Variants in KIAA1549L observed in about 807,000 individuals in gnomAD.
KIAA1549L encodes KIAA1549 like.
KIAA1549L carries 88 observed loss-of-function variants against 160.7 expected under a neutral mutation model. The ratio of observed to expected loss-of-function variants is 0.55; its 90% CI spans 0.46 to 0.65. KIAA1549L has a LOEUF of 0.65. Among genes scored for constraint, KIAA1549L ranks in the 30% least tolerant of loss-of-function variants. KIAA1549L has a pLI of 0.00. For synonymous variants in KIAA1549L, 950 were observed against 976.7 expected, an observed-to-expected ratio of 0.97 and a Z score of 0.51; for missense variants, 2,258 against 2,437.5, an observed-to-expected ratio of 0.93 and a Z score of 1.55.
At chr11:33,397,630 T>G (rs1254322550) in intron 1 of KIAA1549L, among the ~76,000 whole-genome samples, 1 of 151,356 alleles carries the variant, frequency 6.6e-6, no homozygotes, top group African/African-American at 2.4e-5. Flanking sequence ...GAGAATCTCT[T>G]GAACTTGGGA....
chr11:33,435,796 ATATATATATATATATG>A (rs1851353060), intron 1 of KIAA1549L, among the ~76,000 whole-genome samples: 1 of 34,670 alleles, frequency 2.9e-5, no homozygotes, highest in Non-Finnish European at 4.8e-5. Context: ...ATATATATAT[ATATATATATATATATG>A]TGTGTGTATA....
intron 12 of KIAA1549L, among the ~76,000 whole-genome samples, chr11:33,594,520 C>T (rs927386435): frequency 6.6e-6 from 1 of 152,198 alleles, no homozygotes; most frequent in Non-Finnish European, 1.5e-5. Flanking sequence ...TATGGTTTCT[C>T]ATCCTCTAGC....
rs1288367172 is a variant in KIAA1549L at position 33,672,050 on chromosome 11, A to G, written c.*3896A>G. 1 of 152,236 alleles carries G rather than the reference A, an allele frequency of 6.6e-6. No individual in the cohort carries two copies. The highest frequency in any genetic ancestry group is 2.4e-5 in the African/African-American group (1 of 41,470). 9.4% of individuals were successfully genotyped at this position (152,236 alleles called of 1,614,324 possible). ...GGACTAGAAACCCTTTCACACTTGA[A>G]GTGCAGGTGTTGGCTGAAAGAATAG... On this transcript the variant is annotated 3_prime_UTR_variant, in exon 21 of 21. Coordinates refer to ENST00000658780, the MANE Select transcript of KIAA1549L (RefSeq NM_012194.3).
intron 1 of KIAA1549L, among the ~76,000 whole-genome samples, chr11:33,490,915 T>G (rs1489161420): frequency 6.6e-6 from 1 of 152,224 alleles, no homozygotes; most frequent in Non-Finnish European, 1.5e-5. Flanking sequence ...TGCTGGTCCA[T>G]CAGCCACACT....
intron 1 of KIAA1549L, among the ~76,000 whole-genome samples, chr11:33,533,693 A>G (rs1853828647): frequency 6.6e-6 from 1 of 152,210 alleles, no homozygotes; most frequent in Non-Finnish European, 1.5e-5. Context: ...GTGAAAATGT[A>G]TGTGTATAAA....
At chr11:33,661,491 A>G (rs1445862798) in intron 20 of KIAA1549L, among the ~76,000 whole-genome samples, 2 of 152,172 alleles carry the variant, frequency 1.3e-5, no homozygotes, top group Non-Finnish European at 2.9e-5. Context: ...TCAAACCCAC[A>G]CCTGTTTGGC....
At chr11:33,555,764 G>A (rs1276849738) in intron 6 of KIAA1549L, among the ~76,000 whole-genome samples, 1 of 152,138 alleles carries the variant, frequency 6.6e-6, no homozygotes, top group African/African-American at 2.4e-5. Flanking sequence ...GCAATGATTT[G>A]TTGGACATGA....
intron 1 of KIAA1549L, among the ~76,000 whole-genome samples, chr11:33,505,270 G>A (rs1853054389): frequency 6.6e-6 from 1 of 152,202 alleles, no homozygotes; most frequent in South Asian, 2.1e-4. Context: ...ATCTTAACAT[G>A]TGAGTGTTCC....
intron 14 of KIAA1549L, among the ~76,000 whole-genome samples, chr11:33,607,189 A>G (rs1164424577): frequency 6.6e-6 from 1 of 152,066 alleles, no homozygotes; most frequent in Admixed American, 6.5e-5. Flanking sequence ...TGTAGTGGGG[A>G]TGGAAGGGGC....
intron 7 of KIAA1549L, 47 bp downstream of exon 7, chr11:33,559,958 C>CT: frequency 6.4e-7 from 1 of 1,572,020 alleles, no homozygotes; most frequent in Non-Finnish European, 8.7e-7. Context: ...CCCCTGTGGC[C>CT]TTTCTCCATT....
At chr11:33,397,191 G>A (rs905794796) in intron 1 of KIAA1549L, among the ~76,000 whole-genome samples, 11 of 144,294 alleles carry the variant, frequency 7.6e-5, no homozygotes, top group Non-Finnish European at 1.5e-4. Context: ...AAAATTAGCC[G>A]GACGTGGTGG....
At chr11:33,446,700 A>G (rs1387343701) in intron 1 of KIAA1549L, among the ~76,000 whole-genome samples, 3 of 152,068 alleles carry the variant, frequency 2.0e-5, no homozygotes, top group African/African-American at 7.2e-5. Context: ...TTTAGAGGAT[A>G]CATGTCTAAG....
rs981188430 is a variant in KIAA1549L, at chr11:33,583,248, A to T, written c.4403-90A>T. 2.8e-5 allele frequency: 35 copies of T among 1,257,478 alleles called. No homozygotes were observed. The Admixed American group carries it at 7.2e-4, about 26-fold the overall frequency. 77.9% of individuals were successfully genotyped at this position (1,257,478 alleles called of 1,614,324 possible). A position where few individuals can be genotyped will look rare whatever the true frequency, so the allele number is the denominator to read the frequency against. ...AACCTCCCACGTCCTTCTGTCCAGG[A>T]CTTGGGACTGGGGTGGGGGGTTATG... On this transcript the variant is annotated intron_variant, in intron 10 of 20. Coordinates refer to ENST00000658780, the MANE Select transcript of KIAA1549L (RefSeq NM_012194.3).
intron 13 of KIAA1549L, 38 bp downstream of exon 13, chr11:33,598,985 T>G: frequency 6.2e-7 from 1 of 1,608,158 alleles, no homozygotes; most frequent in Non-Finnish European, 8.5e-7. Context: ...CCCCAGCTGC[T>G]CCCACGCGTG....
chr11:33,544,592 T>G (rs1365689542), intron 2 of KIAA1549L, among the ~76,000 whole-genome samples, 175 bp from the exon 3 acceptor site: 1 of 152,214 alleles, frequency 6.6e-6, no homozygotes, highest in Non-Finnish European at 1.5e-5. Flanking sequence ...GCATTCTTGT[T>G]ATGGTTAATC....
At chr11:33,631,060 C>G (rs553976744) in intron 16 of KIAA1549L, among the ~76,000 whole-genome samples, 1 of 152,140 alleles carries the variant, frequency 6.6e-6, no homozygotes, top group Non-Finnish European at 1.5e-5. Flanking sequence ...AGGGTTTGTT[C>G]CTTCCTGTCT....
intron 1 of KIAA1549L, among the ~76,000 whole-genome samples, chr11:33,452,330 A>T (rs1212803898): frequency 1.3e-5 from 2 of 152,232 alleles, no homozygotes; most frequent in African/African-American, 4.8e-5. Flanking sequence ...GGCAGAGGCC[A>T]GGCATGGTGG....
chr11:33,628,687 G>T (rs536700814), intron 16 of KIAA1549L, among the ~76,000 whole-genome samples: 2 of 147,074 alleles, frequency 1.4e-5, no homozygotes, highest in Non-Finnish European at 3.0e-5. Context: ...GTCTCTGCAC[G>T]TGAGATGGGT....
chr11:33,631,426 C>T (rs1851285462), intron 16 of KIAA1549L, among the ~76,000 whole-genome samples: 1 of 152,236 alleles, frequency 6.6e-6, no homozygotes. Context: ...GCCCAGGCTG[C>T]TCAGCCTCCT....
Sources: gnomAD v4.1 joint callset for allele counts (sites outside exome capture counted in the v4.1 genomes callset) on GRCh38, gnomAD v4.1.1 for gene constraint, MANE v1.5 for transcripts, NCBI Gene and HGNC (gene_info 2026-07-23, HGNC 2026-07-21) for gene names.